CHD6: variants seen among roughly 807,000 people sequenced by gnomAD.
CHD6 encodes ATP-dependent chromatin remodeler CHD6.
CHD6 carries 50 observed loss-of-function variants against 276.9 expected under a neutral mutation model. The observed-to-expected ratio is 0.18, with a 90% CI of 0.14 to 0.23. The LOEUF (loss-of-function observed/expected upper bound fraction) is 0.23. Among genes scored for constraint, CHD6 ranks in the 10% least tolerant of loss-of-function variants. The pLI, the probability that CHD6 is intolerant of heterozygous loss-of-function variation, is 1.00. For missense variants in CHD6, 2,564 were observed against 3,365.8 expected, an observed-to-expected ratio of 0.76 and a Z score of 5.89; for synonymous variants, 1,173 against 1,229.3, an observed-to-expected ratio of 0.95 and a Z score of 0.96.
At chr20:41,549,292 A>C (rs1568695199) in intron 2 of CHD6, among the ~76,000 whole-genome samples, 1 of 151,594 alleles carries the variant, frequency 6.6e-6, no homozygotes, top group Admixed American at 6.6e-5. Context: ...GCACATATAC[A>C]CCATGGAATA....
intron 17 of CHD6, among the ~76,000 whole-genome samples, chr20:41,468,978 C>T (rs758242628): frequency 6.6e-6 from 1 of 152,118 alleles, no homozygotes; most frequent in Non-Finnish European, 1.5e-5. Context: ...GATAACATAG[C>T]GAGATCCTGT....
At chr20:41,524,842 G>A (rs570032057) in intron 3 of CHD6, among the ~76,000 whole-genome samples, 13 of 152,160 alleles carry the variant, frequency 8.5e-5, no homozygotes, top group Non-Finnish European at 8.8e-5. Context: ...CCTCTGTCAT[G>A]ACCCATTCTT....
chr20:41,426,992 A>AT (rs1487588216), intron 27 of CHD6, among the ~76,000 whole-genome samples: 2 of 152,192 alleles, frequency 1.3e-5, no homozygotes, highest in Non-Finnish European at 2.9e-5. Context: ...AGACTTTGCT[A>AT]TTTTAGAGCA....
chr20:41,559,071 T>A lies in CHD6; in HGVS notation c.-23-7711A>T, dbSNP rs1157412148. On this transcript the variant is annotated intron_variant, in intron 1 of 36. Transcript: ENST00000373233. Reference sequence around the variant, plus strand: ...CAATGTTGATGAGAAAAAAAATTAGTTTCCTTAAATGCTGTTTTGCTTAAA... The same window carrying A: ...CAATGTTGATGAGAAAAAAAATTAGATTCCTTAAATGCTGTTTTGCTTAAA... 3.5e-4 allele frequency among the ~76,000 whole-genome samples: 54 copies of A among 152,158 alleles called. 1 individual carries two copies. The highest frequency in any genetic ancestry group is 2.9e-5 in the Non-Finnish European group (2 of 68,038).
chr20:41,447,976 G>GAT lies in CHD6; in HGVS notation c.3684-6_3684-5insAT. ...ATCCGGACTCGCAAAAGTACTCTAT[G>GAT]AAAGGTGAACACATTAATGCAAACA... On this transcript the variant is annotated splice_region_variant and splice_polypyrimidine_tract_variant and intron_variant, in intron 23 of 36. Transcript: ENST00000373233. 6.3e-7 allele frequency: 1 copy of GAT among 1,587,528 alleles called. No individual in the cohort carries two copies. The highest frequency in any genetic ancestry group is 8.6e-7 in the Non-Finnish European group (1 of 1,158,846).
intron 17 of CHD6, among the ~76,000 whole-genome samples, chr20:41,467,707 T>C (rs2042957953): frequency 6.6e-6 from 1 of 151,106 alleles, no homozygotes; most frequent in South Asian, 2.1e-4. Context: ...CTCTCTGGGG[T>C]TAAATCTGTC....
At chr20:41,594,840 T>C (rs201151043) in intron 1 of CHD6, among the ~76,000 whole-genome samples, 4 of 152,160 alleles carry the variant, frequency 2.6e-5, no homozygotes, top group African/African-American at 4.8e-5. Flanking sequence ...CTCCACCCAA[T>C]GGGGGAAAGG....
chr20:41,427,343 G>A (rs1488058739), intron 27 of CHD6, among the ~76,000 whole-genome samples: 1 of 152,068 alleles, frequency 6.6e-6, no homozygotes, highest in African/African-American at 2.4e-5. Flanking sequence ...GCAGAACAGC[G>A]TTAACAGCTA....
chr20:41,616,761 T>C (rs967781367), intron 1 of CHD6, among the ~76,000 whole-genome samples: 1 of 152,188 alleles, frequency 6.6e-6, no homozygotes, highest in African/African-American at 2.4e-5. Flanking sequence ...AATCATTTTA[T>C]CAAACACAGA....
intron 27 of CHD6, among the ~76,000 whole-genome samples, chr20:41,435,801 A>C (rs2047689307): frequency 6.6e-6 from 1 of 152,148 alleles, no homozygotes; most frequent in Non-Finnish European, 1.5e-5. Flanking sequence ...GAAAAGCAAA[A>C]ACAATTTTGA....
chr20:41,510,104 C>G (rs959635244), intron 5 of CHD6, among the ~76,000 whole-genome samples: 9 of 152,172 alleles, frequency 5.9e-5, no homozygotes, highest in African/African-American at 1.9e-4. Context: ...TGAGCTAAAG[C>G]TAGCAGGCAG....
chr20:41,613,294 G>T (rs2045906138), intron 1 of CHD6, among the ~76,000 whole-genome samples: 1 of 152,128 alleles, frequency 6.6e-6, no homozygotes. Context: ...CTAACATATT[G>T]AATGAAGCAA....
At chr20:41,408,878 C>G (rs1463852024) in intron 36 of CHD6, among the ~76,000 whole-genome samples, 3 of 152,240 alleles carry the variant, frequency 2.0e-5, no homozygotes, top group Non-Finnish European at 4.4e-5. Context: ...TGAGACCCTC[C>G]TCAGGGGATC....
chr20:41,488,362 A>G (rs537445298), intron 13 of CHD6, 66 bp downstream of exon 13: 21 of 1,402,946 alleles, frequency 1.5e-5, no homozygotes, highest in Middle Eastern at 1.9e-4. Flanking sequence ...CAGAATGGCT[A>G]AAGAGTGTTT....
intron 2 of CHD6, among the ~76,000 whole-genome samples, chr20:41,538,159 A>C (rs1402740321): frequency 6.6e-6 from 1 of 152,136 alleles, no homozygotes; most frequent in African/African-American, 2.4e-5. Flanking sequence ...AAGACCAGCC[A>C]GGCCAACATG....
Position 41,405,080 on chromosome 20 carries a change from A to G in CHD6, c.7661T>C (p.Leu2554Pro), listed in dbSNP as rs1022222549. The G allele has an allele frequency of 1.5e-5, 25 of 1,614,108 alleles. No individual in the cohort carries two copies. Among genetic ancestry groups the G allele is most frequent in the Non-Finnish European group, 1.9e-5 (23 of 1,180,048 alleles). Residue 2554 changes from leucine to proline, a missense_variant, in exon 37 of 37, where the codon CTA (leucine) becomes CCA (proline). This residue lies in a region of CHD6 where 238 missense variants were observed against 266.0 expected (regional missense o/e 0.89). Transcript: ENST00000373233. ...CGTACCACTTTTCGTTGTGCTTGAT[A>G]GAGACGCCGGAGCAGTGGAAGTGCA... ...TTCTSTAPASLSSTTKSGTAV... is the reference protein window; with the variant it reads ...TTCTSTAPASPSSTTKSGTAV...
chr20:41,482,658 A>T, intron 16 of CHD6: 2 of 396,102 alleles, frequency 5.0e-6, no homozygotes, highest in Non-Finnish European at 9.9e-6. Context: ...GATGTGTCAC[A>T]ATGACGGAAA....
intron 3 of CHD6, among the ~76,000 whole-genome samples, chr20:41,530,361 G>A (rs1285403975): frequency 6.6e-6 from 1 of 152,184 alleles, no homozygotes; most frequent in Non-Finnish European, 1.5e-5. Context: ...ATGGACTGAG[G>A]GAGGAAAAGG....
rs1384063067 is a variant in CHD6, at chr20:41,421,899, T to C, written c.4736A>G (p.Lys1579Arg). 1 of 1,614,122 alleles carries C rather than the reference T, an allele frequency of 6.2e-7. No homozygotes were observed. Among genetic ancestry groups the C allele is most frequent in the East Asian group, 2.2e-5 (1 of 44,860 alleles). The change falls in exon 31 of 37, where the codon AAG (lysine) becomes AGG (arginine). Residue 1579 changes from lysine to arginine, a missense_variant. Lys to Arg is a conservative substitution (Grantham distance 26). Coordinates refer to ENST00000373233, the MANE Select transcript of CHD6 (RefSeq NM_032221.5). ...LYLPVWWECG[K>R]HDRDLLIGTA... Reference sequence around the variant, plus strand: ...GCCGATGAGCAGGTCTCGATCATGCTTCCCACACTCCCACCAGACTGGGAG... The same window carrying C: ...GCCGATGAGCAGGTCTCGATCATGCCTCCCACACTCCCACCAGACTGGGAG...
Sources: allele counts gnomAD v4.1 joint callset (sites outside exome capture counted in the v4.1 genomes callset), GRCh38; gene constraint gnomAD v4.1.1; regional missense constraint gnomAD v4.1.1; transcripts MANE v1.5; gene names NCBI Gene and HGNC (gene_info 2026-07-23, HGNC 2026-07-21).